PENK: variants seen among roughly 807,000 people sequenced by gnomAD.
PENK encodes proenkephalin-A.
Under a neutral mutation model 24.1 loss-of-function variants are expected in PENK, and 25 were observed. The ratio of observed to expected loss-of-function variants is 1.04; its 90% CI spans 0.76 to 1.45. The LOEUF (loss-of-function observed/expected upper bound fraction) is 1.45, where lower values mean the gene tolerates loss of function less well. PENK is among the 40% of genes most tolerant of loss of function. The pLI is 0.00. For missense variants in PENK, 353 were observed against 337.9 expected (o/e 1.04, Z -0.35); for synonymous variants, 135 against 130.3 (o/e 1.04, Z -0.24).
intron 3 of PENK, chr8:56,445,420 G>GTGGT: frequency 2.3e-6 from 1 of 444,002 alleles, no homozygotes. Context: ...GCGTGTGGAG[G>GTGGT]GGCCCTTAGC....
At chr8:56,444,124 C>G in intron 3 of PENK, 1 of 514,766 alleles carries the variant, frequency 1.9e-6, no homozygotes, top group Non-Finnish European at 3.4e-6. Context: ...TCAAGTTCCT[C>G]AACAATGCAA....
In PENK at chr8:56,441,782, T is replaced by G. The variant is rs1375859599; in HGVS notation, c.294A>C (p.Lys98Asn). The G allele has an allele frequency of 1.9e-5, 31 of 1,614,008 alleles. No homozygotes were observed. Among genetic ancestry groups the G allele is most frequent in the Non-Finnish European group, 2.5e-5 (30 of 1,180,034 alleles). The change falls in exon 4 of 4, where the codon AAA becomes AAC. Residue 98 changes from lysine (K) to asparagine (N), a missense_variant. Transcript: ENST00000451791. ...SKPEESHLLA[K>N]RYGGFMKRYG... Reference sequence around the variant, plus strand: ...ACCTTTTCATGAAGCCCCCATACCTTTTGGCTAGCAAATGGCTTTCTTCCG... The same window carrying G: ...ACCTTTTCATGAAGCCCCCATACCTGTTGGCTAGCAAATGGCTTTCTTCCG...
At chr8:56,445,790 C>T in intron 3 of PENK, 26 bp downstream of exon 3, 1 of 1,613,160 alleles carries the variant, frequency 6.2e-7, no homozygotes, top group Non-Finnish European at 8.5e-7. Context: ...ACAAGGTGCG[C>T]AACACTCGCC....
rs747079581 is a variant in PENK, at chr8:56,441,663, C to T, written c.413G>A (p.Gly138Asp). 4 of 1,613,964 alleles carry T rather than the reference C, an allele frequency of 2.5e-6. No individual in the cohort carries two copies. Among genetic ancestry groups the T allele is most frequent in the Non-Finnish European group, 3.4e-6 (4 of 1,180,016 alleles). ...CTCCTCTGCATCCTTCTTCATGAAGCCCCCATACCGCTTGGCGAGGATCTC... is the reference window on the plus strand; with the variant it reads ...CTCCTCTGCATCCTTCTTCATGAAGTCCCCATACCGCTTGGCGAGGATCTC... ...GSEILAKRYG[G>D]FMKKDAEEDD... The change falls in exon 4 of 4, where the codon GGC becomes GAC. Residue 138 changes from glycine to aspartate, a missense_variant. Coordinates refer to ENST00000451791, the MANE Select transcript of PENK (RefSeq NM_001135690.3).
rs1415560330 is a variant in PENK, at chr8:56,445,622, A to G, written c.138+194T>C. On this transcript the variant is annotated intron_variant, in intron 3 of 3. Coordinates refer to ENST00000451791, the MANE Select transcript of PENK (RefSeq NM_001135690.3). Reference sequence around the variant, plus strand: ...AGATAGTCGCGGATCCCCGAAGCTAAGAGCCAGGGCAGGACTTCAGTCAGT... The same window carrying G: ...AGATAGTCGCGGATCCCCGAAGCTAGGAGCCAGGGCAGGACTTCAGTCAGT... The G allele has an allele frequency of 4.3e-5, 30 of 691,126 alleles. 1 individual carries two copies. The Admixed American group carries it at 6.9e-4, about 16-fold the overall frequency. The allele number at this position is 691,126 out of a possible 1,614,324, so 42.8% of individuals were successfully genotyped here.
Position 56,441,706 on chromosome 8 carries a change from C to T in PENK, c.370G>A (p.Glu124Lys), listed in dbSNP as rs147090338. ...MDELYPMEPE[E>K]EANGSEILAK... is the part of the protein sequence containing the mutation. ...AGGATCTCACTTCCATTGGCCTCTT[C>T]TTCTGGCTCCATGGGATAAAGCTCA... The change falls in exon 4 of 4, where the codon GAA becomes AAA. Residue 124 changes from glutamate to lysine, a missense_variant. Coordinates refer to ENST00000451791, the MANE Select transcript of PENK (RefSeq NM_001135690.3). The T allele has an allele frequency of 6.2e-7, 1 of 1,613,698 alleles. No individual in the cohort carries two copies. The highest frequency in any genetic ancestry group is 1.3e-5 in the African/African-American group (1 of 74,766).
At position 56,441,752 on chromosome 8, in the gene PENK, T is replaced by G. The variant is rs145271149; in HGVS notation, c.324A>C (p.Gly108=). The G allele has an allele frequency of 6.2e-7, 1 of 1,609,326 alleles. No homozygotes were observed. Among genetic ancestry groups the G allele is most frequent in the Non-Finnish European group, 8.5e-7 (1 of 1,179,794 alleles). The change falls in exon 4 of 4, where the codon GGA becomes GGC. Residue 108 remains glycine (G), a synonymous_variant. Transcript: ENST00000451791. ...GCTCATCCATTTTCTTCATGAAGCC[T>G]CCATACCTTTTCATGAAGCCCCCAT... ...KRYGGFMKRY[G]GFMKKMDELY...
In PENK at chr8:56,445,939, C is replaced by A. The variant is rs1379822294; in HGVS notation, c.15G>T (p.Leu5=). Residue 5 remains leucine (L), a synonymous_variant, in exon 3 of 4, where the codon CTG becomes CTT. Transcript: ENST00000451791. ...GCAACAGCAGCCAAGTGCAAAGTGTCAGGAACCGCGCCATGGACTGCGAGG... is the reference window on the plus strand; with the variant it reads ...GCAACAGCAGCCAAGTGCAAAGTGTAAGGAACCGCGCCATGGACTGCGAGG... MARF[L]TLCTWLLLLG... 1.2e-6 allele frequency: 2 copies of A among 1,609,562 alleles called. No homozygotes were observed. Among genetic ancestry groups the A allele is most frequent in the Non-Finnish European group, 1.7e-6 (2 of 1,177,920 alleles).
Position 56,441,224 on chromosome 8 carries a change from G to T in PENK, c.*48C>A. The T allele has an allele frequency of 3.1e-6, 4 of 1,291,692 alleles. No individual in the cohort carries two copies. Among genetic ancestry groups the T allele is most frequent in the Non-Finnish European group, 4.3e-6 (4 of 920,460 alleles). The allele number at this position is 1,291,692 out of a possible 1,614,324, so 80.0% of individuals were successfully genotyped here. Reference sequence around the variant, plus strand: ...CACCATCAACAGTTTCCCACTGGAGGATGGAGGGAGGCTTGCTGGGGCCTG... The same window carrying T: ...CACCATCAACAGTTTCCCACTGGAGTATGGAGGGAGGCTTGCTGGGGCCTG... On this transcript the variant is annotated 3_prime_UTR_variant, in exon 4 of 4. Coordinates refer to ENST00000451791, the MANE Select transcript of PENK (RefSeq NM_001135690.3).
At chr8:56,443,172 A>T (rs1302877663) in intron 3 of PENK, among the ~76,000 whole-genome samples, 2 of 152,172 alleles carry the variant, frequency 1.3e-5, no homozygotes, top group African/African-American at 4.8e-5. Flanking sequence ...TAAATATATA[A>T]CTACGTAAGA....
At position 56,445,829 on chromosome 8, in the gene PENK, T is replaced by A; in HGVS notation, c.125A>T (p.Asp42Val). Residue 42 changes from aspartate to valine, a missense_variant, in exon 3 of 4, where the codon GAC (aspartate) becomes GTC (valine). Asp to Val is a radical substitution (Grantham distance 152). Transcript: ENST00000451791. ...CGCAACACTCACCAGGAAGTTGATG[T>A]CGGCCGGGCGCACTAGGCGGTAGCT... ...TCSYRLVRPADINFLACVMEC... is the reference protein window; with the variant it reads ...TCSYRLVRPAVINFLACVMEC... 2.5e-6 allele frequency: 4 copies of A among 1,613,404 alleles called. No homozygotes were observed. The highest frequency in any genetic ancestry group is 3.4e-6 in the Non-Finnish European group (4 of 1,179,902).
chr8:56,445,479 C>T (rs1318050903), intron 3 of PENK: 4 of 556,746 alleles, frequency 7.2e-6, no homozygotes, highest in Non-Finnish European at 1.3e-5. Flanking sequence ...TCTGACAGCC[C>T]AGGAGAGAAC....
rs772081265 is a variant in PENK at position 56,441,481 on chromosome 8, G to T, written c.595C>A (p.Leu199Met). The T allele has an allele frequency of 6.2e-7, 1 of 1,612,912 alleles. No individual in the cohort carries two copies. The highest frequency in any genetic ancestry group is 8.5e-7 in the Non-Finnish European group (1 of 1,179,752). Residue 199 changes from leucine (L) to methionine (M), a missense_variant, in exon 4 of 4, where the codon CTG becomes ATG. Coordinates refer to ENST00000451791, the MANE Select transcript of PENK (RefSeq NM_001135690.3). ...TGCAGCTCTTTGGCTTCATCTTCCA[G>T]TTGGGGGCTTCTCTTTAAGCCTCTC... is the stretch of plus-strand genomic sequence containing the variant. ...FMRGLKRSPQ[L>M]EDEAKELQKR...
At chr8:56,446,157 G>A (rs1314528509) in intron 2 of PENK, 1 of 597,106 alleles carries the variant, frequency 1.7e-6, no homozygotes, top group Non-Finnish European at 2.9e-6. Context: ...CGGTTCCCGG[G>A]ATGGCGCGGT....
Position 56,441,664 on chromosome 8 carries a change from C to T in PENK, c.412G>A (p.Gly138Ser), listed in dbSNP as rs111524683. 2 of 1,614,102 alleles carry T rather than the reference C, an allele frequency of 1.2e-6. No individual in the cohort carries two copies. Among genetic ancestry groups the T allele is most frequent in the Non-Finnish European group, 1.7e-6 (2 of 1,180,022 alleles). The change falls in exon 4 of 4, where the codon GGC (glycine) becomes AGC (serine). Residue 138 changes from glycine to serine, a missense_variant. Physicochemically the swap from Gly to Ser is moderately conservative, Grantham distance 56. Transcript: ENST00000451791. ...GSEILAKRYG[G>S]FMKKDAEEDD... ...TCCTCTGCATCCTTCTTCATGAAGCCCCCATACCGCTTGGCGAGGATCTCA... is the reference window on the plus strand; with the variant it reads ...TCCTCTGCATCCTTCTTCATGAAGCTCCCATACCGCTTGGCGAGGATCTCA...
intron 3 of PENK, among the ~76,000 whole-genome samples, chr8:56,444,727 G>T (rs1224526986): frequency 6.6e-6 from 1 of 152,178 alleles, no homozygotes; most frequent in African/African-American, 2.4e-5. Context: ...ATATACCACA[G>T]ATATTTGGAA....
At chr8:56,445,713 C>T in intron 3 of PENK, 103 bp downstream of exon 3, 1 of 1,488,038 alleles carries the variant, frequency 6.7e-7, no homozygotes, top group Non-Finnish European at 9.4e-7. Context: ...CGACCCGGTG[C>T]GAACCGCCAT....
chr8:56,446,110 CTT>C, intron 2 of PENK, 154 bp from the exon 3 acceptor site: 1 of 843,712 alleles, frequency 1.2e-6, no homozygotes, highest in Non-Finnish European at 1.8e-6. Flanking sequence ...CGGCCGACAG[CTT>C]TTAGGTAGAC....
intron 2 of PENK, 164 bp downstream of exon 2, chr8:56,446,262 G>A (rs1459890837): frequency 2.3e-5 from 9 of 397,048 alleles, no homozygotes; most frequent in Admixed American, 3.9e-5. Context: ...CAGACCAGGG[G>A]CGAGAGAGCG....
Sources: allele counts gnomAD v4.1 joint callset (sites outside exome capture counted in the v4.1 genomes callset), GRCh38; gene constraint gnomAD v4.1.1; transcripts MANE v1.5; gene names NCBI Gene and HGNC (gene_info 2026-07-23, HGNC 2026-07-21).